The following SMG9 variants were observed in gnomAD, a reference collection of about 807,000 sequenced individuals.
The protein encoded by SMG9 is nonsense-mediated mRNA decay factor SMG9.
Under a neutral mutation model 64.0 loss-of-function variants are expected in SMG9, and 55 were observed. The observed-to-expected ratio is 0.86, with a 90% CI of 0.69 to 1.08. The LOEUF (loss-of-function observed/expected upper bound fraction) is 1.08. SMG9 is among the 50% of genes least tolerant of loss of function. SMG9 has a pLI of 0.00. For missense variants in SMG9, 554 were observed against 681.3 expected (o/e 0.81, Z 2.08); for synonymous variants, 244 against 254.8 (o/e 0.96, Z 0.41).
intron 13 of SMG9, 40 bp downstream of exon 13, chr19:43,732,818 G>A (rs779154237): frequency 6.2e-7 from 1 of 1,612,340 alleles, no homozygotes; most frequent in Non-Finnish European, 8.5e-7. Context: ...ACACCAGGGT[G>A]GGGTGCCTCA....
Position 43,747,969 on chromosome 19 carries a change from T to C in SMG9, c.225+9A>G. 6.2e-7 allele frequency: 1 copy of C among 1,614,200 alleles called. No individual in the cohort carries two copies. The highest frequency in any genetic ancestry group is 8.5e-7 in the Non-Finnish European group (1 of 1,180,038). On this transcript the variant is annotated intron_variant, in intron 3 of 13. Transcript: ENST00000270066. ...AACGGCTCCCCCTCCTCCCTCCTTC[T>C]CTGCTCACCCGCTCTGCTGGAGGTT...
At chr19:43,734,717 A>ATT in intron 9 of SMG9, 10 of 401,076 alleles carry the variant, frequency 2.5e-5, no homozygotes, top group South Asian at 1.3e-4. Context: ...AGTTTACTGT[A>ATT]TTTTTTTTTT....
At chr19:43,742,490 C>T (rs1287416357) in intron 6 of SMG9, among the ~76,000 whole-genome samples, 1 of 152,266 alleles carries the variant, frequency 6.6e-6, no homozygotes, top group East Asian at 1.9e-4. Flanking sequence ...ACATTACCTC[C>T]CTATAACCCT....
chr19:43,736,852 A>G (rs1237459527), intron 9 of SMG9, among the ~76,000 whole-genome samples: 2 of 152,198 alleles, frequency 1.3e-5, no homozygotes, highest in East Asian at 1.9e-4. Context: ...GAAGGCCTGA[A>G]GTTGACTCGA....
At position 43,740,206 on chromosome 19, in the gene SMG9, G is replaced by A; in HGVS notation, c.714C>T (p.Phe238=). 2.5e-6 allele frequency: 4 copies of A among 1,613,454 alleles called. No individual in the cohort carries two copies. The highest frequency in any genetic ancestry group is 3.4e-6 in the Non-Finnish European group (4 of 1,179,428). Residue 238 remains phenylalanine, a synonymous_variant, in exon 7 of 14, where the codon TTC becomes TTT. Transcript: ENST00000270066. ...CCTTCATTTCAGCGCTCTGGGCCCG[G>A]AAAACATAAGTCCTGTGGAGAGGAG... ...TPEEDQRTYV[F]RAQSAEMKER...
In SMG9 at chr19:43,731,266, C is replaced by A; in HGVS notation, c.*330G>T. The A allele has an allele frequency of 8.9e-7, 1 of 1,125,616 alleles. No homozygotes were observed. The highest frequency in any genetic ancestry group is 1.6e-5 in the African/African-American group (1 of 61,802). 69.7% of individuals were successfully genotyped at this position (1,125,616 alleles called of 1,614,324 possible). On this transcript the variant is annotated 3_prime_UTR_variant, in exon 14 of 14. Coordinates refer to ENST00000270066, the MANE Select transcript of SMG9 (RefSeq NM_019108.4). ...AGTCAGGGAAGAGGGGCCTGTTGCT[C>A]CTGTCCCTGAAAAAGGAGGTCAAGA...
chr19:43,745,256 C>T (rs1968964929), intron 5 of SMG9, among the ~76,000 whole-genome samples: 1 of 152,154 alleles, frequency 6.6e-6, no homozygotes, highest in South Asian at 2.1e-4. Flanking sequence ...TAGGACTCGG[C>T]GACTGAGGGC....
At chr19:43,745,754 C>G (rs1301197213) in intron 5 of SMG9, among the ~76,000 whole-genome samples, 2 of 152,138 alleles carry the variant, frequency 1.3e-5, no homozygotes, top group Admixed American at 1.3e-4. Flanking sequence ...TTAATCCCAG[C>G]ACTTTGGGAG....
intron 1 of SMG9, among the ~76,000 whole-genome samples, chr19:43,751,445 T>C (rs1969190418): frequency 6.6e-6 from 1 of 152,250 alleles, no homozygotes; most frequent in Admixed American, 6.5e-5. Flanking sequence ...CCAAGGCCCT[T>C]CCTTTCAACA....
chr19:43,738,009 G>A, intron 8 of SMG9, 113 bp downstream of exon 8: 1 of 1,019,984 alleles, frequency 9.8e-7, no homozygotes, highest in Middle Eastern at 2.6e-4. Flanking sequence ...GGGCAGCCAG[G>A]GCTCTTCTGA....
At chr19:43,737,473 G>C in intron 9 of SMG9, 124 bp downstream of exon 9, 1 of 780,276 alleles carries the variant, frequency 1.3e-6, no homozygotes, top group Non-Finnish European at 2.0e-6. Flanking sequence ...GGAGTGATTT[G>C]CTCCAACTTA....
intron 1 of SMG9, among the ~76,000 whole-genome samples, chr19:43,753,422 C>G (rs1568384358): frequency 6.6e-6 from 1 of 151,718 alleles, no homozygotes; most frequent in Non-Finnish European, 1.5e-5. Context: ...GATGCCCTTT[C>G]CTGTGCAAAG....
At position 43,738,231 on chromosome 19, in the gene SMG9, G is replaced by C; in HGVS notation, c.814-14C>G. 6.2e-7 allele frequency: 1 copy of C among 1,611,884 alleles called. No homozygotes were observed. Among genetic ancestry groups the C allele is most frequent in the Non-Finnish European group, 8.5e-7 (1 of 1,177,958 alleles). ...GCTCAGGATGGGCTGCAGCAAGGAAGAGAACAGAGTGTCACTCAGATACCC... is the reference window on the plus strand; with the variant it reads ...GCTCAGGATGGGCTGCAGCAAGGAACAGAACAGAGTGTCACTCAGATACCC... On this transcript the variant is annotated splice_polypyrimidine_tract_variant and intron_variant, in intron 7 of 13. Coordinates refer to ENST00000270066, the MANE Select transcript of SMG9 (RefSeq NM_019108.4).
At chr19:43,748,134 C>T in intron 2 of SMG9, 82 bp from the exon 3 acceptor site, 1 of 1,467,662 alleles carries the variant, frequency 6.8e-7, no homozygotes, top group South Asian at 1.4e-5. Flanking sequence ...ATTCTAAATG[C>T]CGAAATATAT....
At chr19:43,753,479 T>C (rs1969256750) in intron 1 of SMG9, among the ~76,000 whole-genome samples, 1 of 149,880 alleles carries the variant, frequency 6.7e-6, no homozygotes, top group South Asian at 2.2e-4. Flanking sequence ...TTTTTTTTTT[T>C]TGAGACGGTC....
rs953691058 is a variant in SMG9, at chr19:43,729,999, G to GC, written c.*1596dup. ...GAGACTGGCATTCTATCCACTTCTG[G>GC]CCTGACCTTCTCTGGCCCTGCTGAG... is the stretch of plus-strand genomic sequence containing the variant. On this transcript the variant is annotated 3_prime_UTR_variant, in exon 14 of 14. Coordinates refer to ENST00000270066, the MANE Select transcript of SMG9 (RefSeq NM_019108.4). 2.6e-5 allele frequency: 4 copies of GC among 152,558 alleles called. No homozygotes were observed. Among genetic ancestry groups the GC allele is most frequent in the Non-Finnish European group, 5.9e-5 (4 of 68,354 alleles). 9.5% of individuals were successfully genotyped at this position (152,558 alleles called of 1,614,324 possible). A position where few individuals can be genotyped will look rare whatever the true frequency, so the allele number is the denominator to read the frequency against.
At chr19:43,737,853 G>T in intron 8 of SMG9, 171 bp from the exon 9 acceptor site, 1 of 677,230 alleles carries the variant, frequency 1.5e-6, no homozygotes, top group South Asian at 1.9e-5. Flanking sequence ...CCTAACTCAG[G>T]AAAGGTGGGA....
At chr19:43,741,486 G>C (rs1968844627) in intron 6 of SMG9, among the ~76,000 whole-genome samples, 1 of 152,202 alleles carries the variant, frequency 6.6e-6, no homozygotes, top group Non-Finnish European at 1.5e-5. Flanking sequence ...GAAGCTGCTG[G>C]AGAGATGTAA....
intron 1 of SMG9, among the ~76,000 whole-genome samples, chr19:43,753,005 C>T (rs1969237610): frequency 1.3e-5 from 2 of 151,878 alleles, no homozygotes. Flanking sequence ...TCCCCTGCCC[C>T]ACCTCATAAT....
Sources: gnomAD v4.1 joint callset for allele counts (sites outside exome capture counted in the v4.1 genomes callset) on GRCh38, gnomAD v4.1.1 for gene constraint, MANE v1.5 for transcripts, NCBI Gene and HGNC (gene_info 2026-07-23, HGNC 2026-07-21) for gene names.